The following PRAM1 variants were observed in gnomAD, a reference collection of about 807,000 sequenced individuals.
PRAM1 encodes PML-RARA-regulated adapter molecule 1.
PRAM1 carries 41 observed loss-of-function variants against 55.3 expected under a neutral mutation model. The observed-to-expected ratio is 0.74, with a 90% CI of 0.58 to 0.96. PRAM1 has a LOEUF of 0.96. Among genes scored for constraint, PRAM1 ranks in the 40% least tolerant of loss-of-function variants. PRAM1 has a pLI of 0.00. For synonymous variants in PRAM1, 401 were observed against 387.1 expected, an observed-to-expected ratio of 1.04 and a Z score of -0.42; for missense variants, 898 against 892.7, an observed-to-expected ratio of 1.01 and a Z score of -0.08.
chr19:8,502,457 A>ACCCC lies in PRAM1; in HGVS notation c.27+104_27+107dup, dbSNP rs138708138. On this transcript the variant is annotated intron_variant, in intron 1 of 9. Coordinates refer to ENST00000423345, the MANE Select transcript of PRAM1 (RefSeq NM_032152.5). ...CGTTTCCCAGATGTCTTTCGCAGCC[A>ACCCC]CCCCCCGCCCCCCCGCCCGCCCCTC... The ACCCC allele has an allele frequency of 1.4e-4, 64 of 470,144 alleles. 1 individual carries two copies. Among genetic ancestry groups the ACCCC allele is most frequent in the South Asian group, 1.4e-4 (8 of 55,194 alleles). 29.1% of individuals were successfully genotyped at this position (470,144 alleles called of 1,614,324 possible).
Position 8,499,402 on chromosome 19 carries a change from C to G in PRAM1, c.406G>C (p.Ala136Pro), listed in dbSNP as rs777174312. The G allele has an allele frequency of 1.2e-6, 2 of 1,612,632 alleles. No homozygotes were observed. Among genetic ancestry groups the G allele is most frequent in the South Asian group, 1.1e-5 (1 of 91,032 alleles). The change falls in exon 2 of 10, where the codon GCC (alanine) becomes CCC (proline). Residue 136 changes from alanine to proline, a missense_variant. By Grantham distance (27) the Ala-to-Pro change is conservative. Transcript: ENST00000423345. ...AGGGGCTTCCTTGGAAACGGAGTGG[C>G]CCCCAGCTGTGGGAACTTCTTGGAG... ...DLSKKFPQLG[A>P]TPFPRKPLQP...
intron 4 of PRAM1, chr19:8,496,240 C>A (rs1384424189): frequency 8.2e-6 from 3 of 364,030 alleles, no homozygotes; most frequent in Admixed American, 6.9e-5. Flanking sequence ...GTAGTGAAAC[C>A]CCAGCTCTAC....
In PRAM1 at chr19:8,491,139, T is replaced by C. The variant is rs1242564502; in HGVS notation, c.1595A>G (p.Gln532Arg). The C allele has an allele frequency of 6.2e-7, 1 of 1,611,598 alleles. No homozygotes were observed. Among genetic ancestry groups the C allele is most frequent in the Non-Finnish European group, 8.5e-7 (1 of 1,179,770 alleles). Residue 532 changes from glutamine to arginine, a missense_variant, in exon 5 of 10, where the codon CAG becomes CGG. Physicochemically the swap from Gln to Arg is conservative, Grantham distance 43. Coordinates refer to ENST00000423345, the MANE Select transcript of PRAM1 (RefSeq NM_032152.5). ...TTGTGGTGGCCTCCTGGCGGCTTGCTGAACTGAGGGCGCTTCATCTGGGGA... is the reference window on the plus strand; with the variant it reads ...TTGTGGTGGCCTCCTGGCGGCTTGCCGAACTGAGGGCGCTTCATCTGGGGA... ...PKGRDEAPSVQQAARRPPQDP... is the reference protein window; with the variant it reads ...PKGRDEAPSVRQAARRPPQDP...
chr19:8,499,864 GC>G, intron 1 of PRAM1, 84 bp from the exon 2 acceptor site: 2 of 1,197,152 alleles, frequency 1.7e-6, no homozygotes, highest in African/African-American at 1.5e-5. Flanking sequence ...CTCAGGCACA[GC>G]CCACAACCAC....
Position 8,498,372 on chromosome 19 carries a change from C to A in PRAM1, c.1432+4G>T. ...TCCTGCCGGTGCCGCCCGCCCTCAC[C>A]CACCTATGGATGCTGCAGAGGGTCT... On this transcript the variant is annotated splice_donor_region_variant and intron_variant, in intron 2 of 9. Coordinates refer to ENST00000423345, the MANE Select transcript of PRAM1 (RefSeq NM_032152.5). 6.3e-7 allele frequency: 1 copy of A among 1,584,240 alleles called. No individual in the cohort carries two copies. Among genetic ancestry groups the A allele is most frequent in the African/African-American group, 1.3e-5 (1 of 74,474 alleles).
At chr19:8,494,325 G>A (rs1009267794) in intron 4 of PRAM1, among the ~76,000 whole-genome samples, 1 of 152,162 alleles carries the variant, frequency 6.6e-6, no homozygotes, top group East Asian at 1.9e-4. Context: ...CTGGCCATCC[G>A]CATCCCCAAC....
At chr19:8,500,764 T>G (rs1160652228) in intron 1 of PRAM1, among the ~76,000 whole-genome samples, 2 of 152,068 alleles carry the variant, frequency 1.3e-5, no homozygotes, top group Non-Finnish European at 2.9e-5. Flanking sequence ...GGCCACCCTA[T>G]TTGTTTATTT....
At chr19:8,500,701 T>C (rs1971794619) in intron 1 of PRAM1, among the ~76,000 whole-genome samples, 1 of 152,168 alleles carries the variant, frequency 6.6e-6, no homozygotes, top group Non-Finnish European at 1.5e-5. Flanking sequence ...GGTCTCTCCT[T>C]TTCCTCCTCC....
intron 1 of PRAM1, among the ~76,000 whole-genome samples, chr19:8,500,480 C>T (rs976463033): frequency 5.9e-5 from 9 of 152,072 alleles, no homozygotes; most frequent in Non-Finnish European, 1.5e-5. Context: ...AGGGAGAAGC[C>T]TGTTGAACCC....
In PRAM1 at chr19:8,490,745, C is replaced by T; in HGVS notation, c.1755G>A (p.Glu585=). 2.5e-6 allele frequency: 4 copies of T among 1,609,858 alleles called. No homozygotes were observed. The highest frequency in any genetic ancestry group is 3.4e-6 in the Non-Finnish European group (4 of 1,179,728). ...EFRKKFKFEG[E]IVVHTKMMID... Reference sequence around the variant, plus strand: ...TCATCATCTTCGTGTGAACCACGATCTCCCCTTCAAACTGGGGCGCGAGAT... The same window carrying T: ...TCATCATCTTCGTGTGAACCACGATTTCCCCTTCAAACTGGGGCGCGAGAT... The change falls in exon 7 of 10, where the codon GAG becomes GAA. Residue 585 remains glutamate (E), a synonymous_variant. Transcript: ENST00000423345. This position sits in a 1 kb window ranked among gnomAD's most constrained non-coding sequence, Gnocchi z 7.3.
At chr19:8,492,373 C>T (rs915263506) in intron 4 of PRAM1, among the ~76,000 whole-genome samples, 6 of 152,084 alleles carry the variant, frequency 3.9e-5, no homozygotes, top group Non-Finnish European at 7.4e-5. Flanking sequence ...TCTCCTGCCT[C>T]AGCATCCTGA....
intron 4 of PRAM1, chr19:8,491,492 T>TA (rs1328506563): frequency 7.3e-6 from 3 of 413,736 alleles, no homozygotes; most frequent in Non-Finnish European, 1.3e-5. Flanking sequence ...CTCGGCCTCC[T>TA]AAAGTGCTGG....
At chr19:8,495,040 A>G (rs1971679652) in intron 4 of PRAM1, among the ~76,000 whole-genome samples, 1 of 151,846 alleles carries the variant, frequency 6.6e-6, no homozygotes, top group South Asian at 2.1e-4. Context: ...CCCGGGTTCA[A>G]GGAATTCTCC....
intron 1 of PRAM1, 101 bp downstream of exon 1, chr19:8,502,464 G>GGGGCCCCC: frequency 1.4e-5 from 3 of 216,460 alleles, no homozygotes; most frequent in Admixed American, 7.5e-5. Context: ...GCCACCCCCC[G>GGGGCCCCC]CCCCCCCGCC....
intron 4 of PRAM1, among the ~76,000 whole-genome samples, chr19:8,494,797 A>G (rs1409452146): frequency 1.3e-5 from 2 of 150,172 alleles, no homozygotes; most frequent in African/African-American, 4.9e-5. Flanking sequence ...ACACCCAGCT[A>G]ATTTTTTGTA....
rs1477965177 is a variant in PRAM1, at chr19:8,490,232, G to T, written c.1976-6C>A. On this transcript the variant is annotated splice_polypyrimidine_tract_variant and splice_region_variant and intron_variant, in intron 9 of 9. Transcript: ENST00000423345. This position sits in a 1 kb window ranked among gnomAD's most constrained non-coding sequence, Gnocchi z 7.3. ...TGGTTGGTTTTCCAGGGGATCTGCC[G>T]AGGAAGCGTGACTTCCATGGACCCC... 6.2e-7 allele frequency: 1 copy of T among 1,606,096 alleles called. No individual in the cohort carries two copies.
intron 3 of PRAM1, 57 bp downstream of exon 3, chr19:8,498,166 T>C (rs1382932573): frequency 1.3e-6 from 2 of 1,558,762 alleles, no homozygotes; most frequent in Non-Finnish European, 1.7e-6. Context: ...CAGGCCGAGA[T>C]GAGGCCTCTT....
intron 4 of PRAM1, among the ~76,000 whole-genome samples, chr19:8,496,598 G>A (rs373485917): frequency 1.3e-5 from 2 of 152,008 alleles, no homozygotes; most frequent in Non-Finnish European, 2.9e-5. Flanking sequence ...GGTGGCACGT[G>A]CCTGTAATCC....
rs1971605097 is a variant in PRAM1, at chr19:8,490,594, A to G, written c.1906T>C (p.Tyr636His). ...EMLCRDPKGK[Y>H]GYVPRTALLP... The stretch of plus-strand genomic sequence containing the variant: ...GGGCTGCGGGGCCGGGCGCACTCAC[A>G]TTTGCCTTTGGGGTCCCGGCACAGC... Residue 636 changes from tyrosine (Y) to histidine (H), a missense_variant and splice_region_variant, in exon 7 of 10, where the codon TAT (tyrosine) becomes CAT (histidine). Transcript: ENST00000423345. This position sits in a 1 kb window ranked among gnomAD's most constrained non-coding sequence, Gnocchi z 7.3. The G allele has an allele frequency of 6.3e-7, 1 of 1,587,172 alleles. No individual in the cohort carries two copies. Among genetic ancestry groups the G allele is most frequent in the Non-Finnish European group, 8.6e-7 (1 of 1,166,792 alleles).
Sources: allele counts gnomAD v4.1 joint callset (sites outside exome capture counted in the v4.1 genomes callset), GRCh38; gene constraint gnomAD v4.1.1; non-coding constraint Gnocchi (gnomAD v3.1); transcripts MANE v1.5; gene names NCBI Gene and HGNC (gene_info 2026-07-23, HGNC 2026-07-21).